Variants in NHS observed in about 807,000 individuals in gnomAD.
The protein encoded by NHS is NHS actin remodeling regulator.
In NHS, 5 loss-of-function variants were observed where a neutral mutation model predicts 72.5. The ratio of observed to expected loss-of-function variants is 0.07; its 90% confidence interval spans 0.04 to 0.14. NHS has a LOEUF of 0.14. NHS is among the 10% of genes least tolerant of loss of function. The probability of loss-of-function intolerance (pLI) is 1.00; values close to 1 mark genes in which losing one functional copy is unlikely to be tolerated. For missense variants in NHS, 1,072 were observed against 1,355.7 expected, an observed-to-expected ratio of 0.79 and a Z score of 3.29; for synonymous variants, 464 against 547.7, an observed-to-expected ratio of 0.85 and a Z score of 2.13.
chrX:17,550,128 T>C (rs1569279126), intron 1 of NHS, among the ~76,000 whole-genome samples: 1 of 111,860 alleles, frequency 8.9e-6, no homozygotes, highest in Non-Finnish European at 1.9e-5. Flanking sequence ...CCATCTTGCT[T>C]ATACATACAA....
chrX:17,690,294 A>G (rs2066188053), intron 2 of NHS, among the ~76,000 whole-genome samples: 1 of 112,706 alleles, frequency 8.9e-6, no homozygotes, highest in East Asian at 2.8e-4. Context: ...TGCTTCTGCC[A>G]TCTGGTGGCC....
At chrX:17,692,850 A>G (rs1320071265) in intron 3 of NHS, among the ~76,000 whole-genome samples, 6 of 110,414 alleles carry the variant, frequency 5.4e-5, no homozygotes, top group African/African-American at 2.0e-4. Context: ...TACCTGGTTT[A>G]TAGGGCTAGA....
intron 1 of NHS, among the ~76,000 whole-genome samples, chrX:17,408,320 C>G (rs942610647): frequency 9.0e-6 from 1 of 111,713 alleles, no homozygotes; most frequent in East Asian, 2.8e-4. Flanking sequence ...AGTATATGCA[C>G]CTCTATAAAG....
At chrX:17,671,201 C>T (rs2066043034) in intron 1 of NHS, among the ~76,000 whole-genome samples, 1 of 112,193 alleles carries the variant, frequency 8.9e-6, no homozygotes, top group African/African-American at 3.2e-5. Context: ...TGTGTTAGAA[C>T]AAAGAGTTAC....
intron 1 of NHS, among the ~76,000 whole-genome samples, chrX:17,388,532 G>A (rs774939966): frequency 9.1e-6 from 1 of 110,360 alleles, no homozygotes; most frequent in Non-Finnish European, 1.9e-5. Context: ...AGGCCCTGAG[G>A]TGAGAGCATG....
chrX:17,679,945 T>C (rs1405810109), intron 1 of NHS, among the ~76,000 whole-genome samples: 1 of 110,832 alleles, frequency 9.0e-6, no homozygotes, highest in African/African-American at 3.3e-5. Context: ...ACTCTAAGTC[T>C]CAAAGTGGCT....
chrX:17,446,144 C>T (rs2064778629), intron 1 of NHS, among the ~76,000 whole-genome samples: 1 of 110,794 alleles, frequency 9.0e-6, no homozygotes, highest in Admixed American at 9.6e-5. Flanking sequence ...TCAGCTTAAT[C>T]TCTCCCACTC....
At chrX:17,534,388 G>C (rs1167964825) in intron 1 of NHS, among the ~76,000 whole-genome samples, 1 of 111,050 alleles carries the variant, frequency 9.0e-6, no homozygotes, top group African/African-American at 3.3e-5. Context: ...CAGGCCTATA[G>C]CTACCTTTGC....
At chrX:17,689,287 A>G (rs1319043649) in intron 2 of NHS, among the ~76,000 whole-genome samples, 3 of 111,496 alleles carry the variant, frequency 2.7e-5, no homozygotes, top group Non-Finnish European at 5.6e-5. Flanking sequence ...GTTTCTAAAA[A>G]TTTTCCTTGG....
rs779272721 is a variant in NHS, at chrX:17,606,056, G to C, written c.566-81686G>C. Among the ~76,000 whole-genome samples the C allele has an allele frequency of 1.8e-4, 20 of 112,058 alleles. 1 individual carries two copies. Among genetic ancestry groups the C allele is most frequent in the Non-Finnish European group, 2.6e-4 (14 of 53,180 alleles). ...CTTGGTACTGGCATGTCCCATATGGGGCCCCTGGAAACTTTAGTTGTTTAC... is the reference window on the plus strand; with the variant it reads ...CTTGGTACTGGCATGTCCCATATGGCGCCCCTGGAAACTTTAGTTGTTTAC... On this transcript the variant is annotated intron_variant, in intron 1 of 8. Coordinates refer to ENST00000676302, the MANE Select transcript of NHS (RefSeq NM_001291867.2).
At chrX:17,552,241 C>G (rs2065340672) in intron 1 of NHS, 1 of 112,426 alleles carries the variant, frequency 8.9e-6, no homozygotes, top group South Asian at 3.7e-4. Flanking sequence ...TGTACACAGC[C>G]AACCCTAACC....
chrX:17,505,321 A>G (rs367607841), intron 1 of NHS, among the ~76,000 whole-genome samples: 2 of 111,465 alleles, frequency 1.8e-5, no homozygotes, highest in South Asian at 3.7e-4. Flanking sequence ...TAAATTCCAT[A>G]CAGTGGAATT....
Position 17,728,224 on chromosome X carries a change from G to A in NHS, c.4118G>A (p.Cys1373Tyr), listed in dbSNP as rs759386352. The A allele has an allele frequency of 1.3e-5, 16 of 1,211,690 alleles. No homozygotes were observed. The highest frequency in any genetic ancestry group is 1.8e-5 in the Non-Finnish European group (16 of 895,429). The change falls in exon 7 of 9, where the codon TGT becomes TAT. Residue 1373 changes from cysteine (C) to tyrosine (Y), a missense_variant. Coordinates refer to ENST00000676302, the MANE Select transcript of NHS (RefSeq NM_001291867.2). ...TCTGTAAATTCATTCCCTGAAAAATGTTCCAAGCAGGAAAATATTGCTTCA... is the reference window on the plus strand; with the variant it reads ...TCTGTAAATTCATTCCCTGAAAAATATTCCAAGCAGGAAAATATTGCTTCA... ...ITSVNSFPEKCSKQENIASGI... is the reference protein window; with the variant it reads ...ITSVNSFPEKYSKQENIASGI...
chrX:17,543,140 CTTTA>C (rs758060162), intron 1 of NHS, among the ~76,000 whole-genome samples: 52 of 111,656 alleles, frequency 4.7e-4, no homozygotes, highest in Non-Finnish European at 7.9e-4. Context: ...TTCTACAGGT[CTTTA>C]TTTGTAACAA....
intron 1 of NHS, among the ~76,000 whole-genome samples, chrX:17,446,135 C>T (rs1368575040): frequency 9.0e-6 from 1 of 110,811 alleles, no homozygotes; most frequent in Admixed American, 9.6e-5. Flanking sequence ...AATCTTCCTT[C>T]AGCTTAATCT....
At chrX:17,602,196 C>CA (rs1556016145) in intron 1 of NHS, among the ~76,000 whole-genome samples, 2 of 110,404 alleles carry the variant, frequency 1.8e-5, no homozygotes, top group African/African-American at 3.3e-5. Context: ...ACAACAACAA[C>CA]AACAAACAAA....
At chrX:17,391,078 C>T (rs1179437066) in intron 1 of NHS, among the ~76,000 whole-genome samples, 2 of 111,208 alleles carry the variant, frequency 1.8e-5, no homozygotes, top group Non-Finnish European at 3.8e-5. Context: ...AGACAGACAC[C>T]CTCTTTTAAT....
At chrX:17,688,522 C>T (rs1463293598) in intron 2 of NHS, among the ~76,000 whole-genome samples, 1 of 111,319 alleles carries the variant, frequency 9.0e-6, no homozygotes, top group Non-Finnish European at 1.9e-5. Context: ...TAGAATGATC[C>T]CCTAGAGGGC....
chrX:17,475,325 A>G (rs765072671), intron 1 of NHS, among the ~76,000 whole-genome samples: 5 of 112,591 alleles, frequency 4.4e-5, no homozygotes, highest in African/African-American at 1.6e-4. Flanking sequence ...ACTGACTTCT[A>G]GCCACACGGA....
Sources: allele counts gnomAD v4.1 joint callset (sites outside exome capture counted in the v4.1 genomes callset), GRCh38; gene constraint gnomAD v4.1.1; transcripts MANE v1.5; gene names NCBI Gene and HGNC (gene_info 2026-07-23, HGNC 2026-07-21).